Variants in TDRD12 observed in about 807,000 individuals in gnomAD.
The protein encoded by TDRD12 is putative ATP-dependent RNA helicase TDRD12.
A neutral mutation model predicts 133.5 loss-of-function variants in TDRD12; 158 were observed. The observed-to-expected ratio is 1.18, with a 90% CI of 1.04 to 1.35. The LOEUF (loss-of-function observed/expected upper bound fraction) is 1.35, where lower values mean the gene tolerates loss of function less well. TDRD12 is among the 40% of genes most tolerant of loss of function. The pLI is 0.00. For synonymous variants in TDRD12, 460 were observed against 477.9 expected, an observed-to-expected ratio of 0.96 and a Z score of 0.49; for missense variants, 1,443 against 1,321.3, an observed-to-expected ratio of 1.09 and a Z score of -1.43.
chr19:32,738,132 C>T (rs1015744312), intron 2 of TDRD12, among the ~76,000 whole-genome samples: 3 of 151,630 alleles, frequency 2.0e-5, no homozygotes, highest in African/African-American at 4.8e-5. Context: ...AGCAAAACTC[C>T]GTCTCAAAAA....
At chr19:32,803,440 C>G (rs1971458064) in intron 21 of TDRD12, among the ~76,000 whole-genome samples, 1 of 152,130 alleles carries the variant, frequency 6.6e-6, no homozygotes, top group African/African-American at 2.4e-5. Flanking sequence ...TTGTGTGTAT[C>G]TATGGTTTGT....
chr19:32,733,837 C>T (rs1255010594), intron 2 of TDRD12, among the ~76,000 whole-genome samples: 1 of 151,686 alleles, frequency 6.6e-6, no homozygotes, highest in Non-Finnish European at 1.5e-5. Flanking sequence ...TGTTTGATTA[C>T]CCTGAAATAA....
intron 10 of TDRD12, among the ~76,000 whole-genome samples, chr19:32,776,490 C>T (rs1388953603): frequency 2.6e-5 from 4 of 152,212 alleles, no homozygotes; most frequent in African/African-American, 7.2e-5. Context: ...CGCCTCTTCC[C>T]GCTTCTCTGG....
At chr19:32,792,842 ATCAGAATGGCT>A (rs1049338427) in intron 13 of TDRD12, among the ~76,000 whole-genome samples, 10 of 152,226 alleles carry the variant, frequency 6.6e-5, no homozygotes, top group Admixed American at 3.9e-4. Context: ...TGGACCAGGA[ATCAGAATGGCT>A]TCAGATGTCT....
At chr19:32,775,548 G>A (rs913284516) in intron 10 of TDRD12, among the ~76,000 whole-genome samples, 2 of 152,092 alleles carry the variant, frequency 1.3e-5, no homozygotes, top group Non-Finnish European at 2.9e-5. Context: ...GCCCTGGCTG[G>A]TCTCCAACTC....
At chr19:32,791,587 A>G (rs890662282) in intron 13 of TDRD12, among the ~76,000 whole-genome samples, 1 of 152,196 alleles carries the variant, frequency 6.6e-6, no homozygotes, top group African/African-American at 2.4e-5. Context: ...GTCTTAGAAG[A>G]TGAAAGCAGG....
At chr19:32,742,862 A>G (rs1396271728) in exon 4 of TDRD12, 3 of 1,551,816 alleles carry the variant, frequency 1.9e-6, no homozygotes, top group Non-Finnish European at 2.6e-6. Context: ...AGCCTGTCAC[A>G]TTACACATTG....
chr19:32,764,107 T>C (rs1970228725), intron 8 of TDRD12, among the ~76,000 whole-genome samples: 1 of 127,280 alleles, frequency 7.9e-6, no homozygotes, highest in Non-Finnish European at 1.7e-5. Context: ...GTCCATCTTT[T>C]TTTTTTTTTT....
At chr19:32,772,969 T>G in intron 9 of TDRD12, 119 bp downstream of exon 9, 6 of 502,476 alleles carry the variant, frequency 1.2e-5, no homozygotes, top group Middle Eastern at 5.5e-4. Context: ...TCATTGGCCA[T>G]GATAGTTTCC....
chr19:32,746,530 C>G (rs113164712), intron 4 of TDRD12, among the ~76,000 whole-genome samples: 92 of 69,072 alleles, frequency 1.3e-3, no homozygotes, highest in Admixed American at 1.9e-3. Flanking sequence ...CTGTGTGTGA[C>G]AGAGACGGGG....
chr19:32,777,028 A>C, intron 10 of TDRD12, 121 bp from the exon 11 acceptor site: 1 of 645,590 alleles, frequency 1.5e-6, no homozygotes, highest in Non-Finnish European at 2.6e-6. Context: ...TGCTGGGACT[A>C]TAGGTGCACA....
chr19:32,780,084 C>CTTTTTTTTT (rs11395360), intron 11 of TDRD12, among the ~76,000 whole-genome samples: 1 of 127,776 alleles, frequency 7.8e-6, no homozygotes. Context: ...TTTTTCTTTT[C>CTTTTTTTTT]TTTTTTTTTT....
At chr19:32,815,382 A>T in intron 25 of TDRD12, 66 bp from the exon 26 acceptor site, 6 of 1,333,094 alleles carry the variant, frequency 4.5e-6, no homozygotes, top group Non-Finnish European at 6.1e-6. Context: ...CCCTGTGGGA[A>T]TGTCTATGCT....
chr19:32,807,020 G>A (rs1295781200), intron 21 of TDRD12, among the ~76,000 whole-genome samples: 2 of 152,284 alleles, frequency 1.3e-5, no homozygotes, highest in East Asian at 1.9e-4. Context: ...AAGCAGCATT[G>A]TAGTTAAGGA....
rs1448810235 is a variant in TDRD12, at chr19:32,749,775, G to C, written c.497-9G>C. On this transcript the variant is annotated splice_polypyrimidine_tract_variant and intron_variant, in intron 5 of 27. Coordinates refer to ENST00000444215, the Ensembl canonical transcript of TDRD12. ...TCAGCTGATTTGTGTTTTCATTTAT[G>C]CTATTTAGCAACTACCCAGGTGGAA... 1.3e-6 allele frequency: 2 copies of C among 1,538,716 alleles called. No individual in the cohort carries two copies. Among genetic ancestry groups the C allele is most frequent in the Non-Finnish European group, 1.8e-6 (2 of 1,137,704 alleles).
chr19:32,809,548 C>G (rs941717971), intron 22 of TDRD12, among the ~76,000 whole-genome samples: 1 of 152,170 alleles, frequency 6.6e-6, no homozygotes, highest in Non-Finnish European at 1.5e-5. Context: ...CCTCTGCACA[C>G]TGACTTTTTC....
chr19:32,747,146 T>C (rs991431955), intron 4 of TDRD12, among the ~76,000 whole-genome samples: 1 of 151,712 alleles, frequency 6.6e-6, no homozygotes, highest in Non-Finnish European at 1.5e-5. Flanking sequence ...CTCATGTGGT[T>C]ATTCTGTGTG....
At chr19:32,754,801 C>T (rs963390985) in intron 6 of TDRD12, among the ~76,000 whole-genome samples, 18 of 151,960 alleles carry the variant, frequency 1.2e-4, no homozygotes, top group African/African-American at 4.3e-4. Flanking sequence ...CTCAGCCTTC[C>T]CAAGTAGCTG....
chr19:32,730,142 T>G (rs1450557423), intron 1 of TDRD12, among the ~76,000 whole-genome samples: 1 of 152,126 alleles, frequency 6.6e-6, no homozygotes, highest in East Asian at 1.9e-4. Flanking sequence ...CTGGACTCCT[T>G]GGGGTCTCAT....
Sources: allele counts gnomAD v4.1 joint callset (sites outside exome capture counted in the v4.1 genomes callset), GRCh38; gene constraint gnomAD v4.1.1; transcripts MANE v1.5; gene names NCBI Gene and HGNC (gene_info 2026-07-23, HGNC 2026-07-21).